FGD6: variants seen among roughly 807,000 people sequenced by gnomAD.
FGD6 encodes the protein FYVE, RhoGEF and PH domain-containing protein 6.
Under a neutral mutation model 149.4 loss-of-function variants are expected in FGD6, and 90 were observed. That is an observed-to-expected ratio of 0.60 (90% CI 0.51 to 0.72). The LOEUF is 0.72. FGD6 is among the 30% of genes least tolerant of loss of function. The pLI is 0.00. For synonymous variants in FGD6, 527 were observed against 584.0 expected (o/e 0.90, Z 1.41); for missense variants, 1,437 against 1,684.8 (o/e 0.85, Z 2.57).
intron 2 of FGD6, 111 bp downstream of exon 2, chr12:95,208,732 A>T: frequency 8.0e-7 from 1 of 1,249,682 alleles, no homozygotes; most frequent in East Asian, 2.5e-5. Flanking sequence ...CACATTTTCT[A>T]AACTATTCCT....
intron 2 of FGD6, among the ~76,000 whole-genome samples, chr12:95,177,141 T>A (rs890888800): frequency 1.3e-5 from 2 of 152,178 alleles, no homozygotes; most frequent in African/African-American, 2.4e-5. Context: ...TTATCTTTTT[T>A]AAAAATACTA....
At chr12:95,208,023 G>A (rs2056701817) in intron 2 of FGD6, among the ~76,000 whole-genome samples, 2 of 152,166 alleles carry the variant, frequency 1.3e-5, no homozygotes, top group Non-Finnish European at 1.5e-5. Context: ...GGCAAAGGCA[G>A]GAGCAGTGCT....
intron 6 of FGD6, among the ~76,000 whole-genome samples, chr12:95,138,281 C>T (rs1879739133): frequency 2.0e-5 from 3 of 151,478 alleles, no homozygotes; most frequent in South Asian, 2.1e-4. Context: ...CGATGGCTCA[C>T]GCCTGTAATC....
intron 9 of FGD6, among the ~76,000 whole-genome samples, chr12:95,112,601 A>G (rs929667865): frequency 1.3e-5 from 2 of 152,210 alleles, no homozygotes; most frequent in African/African-American, 4.8e-5. Context: ...CTCTGTCTCA[A>G]ACAAAAAAAG....
rs1042907757 is a variant in FGD6, at chr12:95,079,552, C to T, written c.*1968G>A. The T allele has an allele frequency of 6.6e-6, 1 of 152,170 alleles. No homozygotes were observed. The highest frequency in any genetic ancestry group is 2.4e-5 in the African/African-American group (1 of 41,440). The allele number at this position is 152,170 out of a possible 1,614,324, so 9.4% of individuals were successfully genotyped here. A position where few individuals can be genotyped will look rare whatever the true frequency, so the allele number is the denominator to read the frequency against. On this transcript the variant is annotated 3_prime_UTR_variant, in exon 21 of 21. Transcript: ENST00000343958. ...AGACGCAGAAACAGTTTATAAGGTA[C>T]AACTTTAGCCTCCAAAAAGGAATAC...
chr12:95,216,947 G>A (rs916976473), intron 1 of FGD6, among the ~76,000 whole-genome samples: 3 of 152,204 alleles, frequency 2.0e-5, no homozygotes, highest in African/African-American at 7.2e-5. Flanking sequence ...ATGAGCGAAC[G>A]CCCTTCACAC....
rs772625732 is a variant in FGD6, at chr12:95,094,698, T to C, written c.3498-4A>G. 6 of 1,607,114 alleles carry C rather than the reference T, an allele frequency of 3.7e-6. 1 individual carries two copies. The highest frequency in any genetic ancestry group is 2.2e-5 in the East Asian group (1 of 44,838). ...TTCATCCCTTTCTGTGGCAGAACTGTTGGGGGCAAAAGGTTTCATCAACCA... is the reference window on the plus strand; with the variant it reads ...TTCATCCCTTTCTGTGGCAGAACTGCTGGGGGCAAAAGGTTTCATCAACCA... On this transcript the variant is annotated splice_region_variant and splice_polypyrimidine_tract_variant and intron_variant, in intron 14 of 20. Coordinates refer to ENST00000343958, the MANE Select transcript of FGD6 (RefSeq NM_018351.4).
chr12:95,172,065 C>T (rs1329798956), intron 3 of FGD6, among the ~76,000 whole-genome samples: 2 of 148,036 alleles, frequency 1.4e-5, no homozygotes, highest in African/African-American at 5.0e-5. Flanking sequence ...AAAAAGCAAG[C>T]CATTGGACAT....
Position 95,210,317 on chromosome 12 carries a change from C to T in FGD6, c.967G>A (p.Ala323Thr). Reference sequence around the variant, plus strand: ...ACACACTTTTGGCGTAACAGACGAGCAGTTCGTGTCTTTCTGGGCTTGGGA... The same window carrying T: ...ACACACTTTTGGCGTAACAGACGAGTAGTTCGTGTCTTTCTGGGCTTGGGA... Reference protein sequence around the residue: ...PTPKPRKTRTARLLRQKCVDT... With the variant: ...PTPKPRKTRTTRLLRQKCVDT... The change falls in exon 2 of 21, where the codon GCT (alanine) becomes ACT (threonine). Residue 323 changes from alanine to threonine, a missense_variant. By Grantham distance (58) the Ala-to-Thr change is moderately conservative. Around this residue, in one of 2 missense-constraint regions of FGD6, gnomAD observed 1,055 missense variants for 1,146.0 expected, o/e 0.92. Transcript: ENST00000343958. 6.2e-7 allele frequency: 1 copy of T among 1,614,070 alleles called. No homozygotes were observed. Among genetic ancestry groups the T allele is most frequent in the Non-Finnish European group, 8.5e-7 (1 of 1,180,016 alleles).
At position 95,132,778 on chromosome 12, in the gene FGD6, T is replaced by C. The variant is rs142767140; in HGVS notation, c.3082+1961A>G. On this transcript the variant is annotated intron_variant, in intron 8 of 20. Coordinates refer to ENST00000343958, the MANE Select transcript of FGD6 (RefSeq NM_018351.4). Reference sequence around the variant, plus strand: ...ATAAATAAATAAATAAATAAACAAATAAATAAATAAATAATATGTAAAAAT... The same window carrying C: ...ATAAATAAATAAATAAATAAACAAACAAATAAATAAATAATATGTAAAAAT... Among the ~76,000 whole-genome samples the C allele has an allele frequency of 8.6e-3, 1,279 of 149,024 alleles. 7 individuals are homozygous for C. Among genetic ancestry groups the C allele is most frequent in the Middle Eastern group, 0.02 (6 of 294 alleles).
At chr12:95,212,249 G>C (rs922752221) in intron 1 of FGD6, among the ~76,000 whole-genome samples, 2 of 152,064 alleles carry the variant, frequency 1.3e-5, no homozygotes, top group African/African-American at 4.8e-5. Flanking sequence ...ATAGATCCTG[G>C]ACATCTGTAC....
Position 95,209,483 on chromosome 12 carries a change from G to A in FGD6, c.1801C>T (p.Pro601Ser). The A allele has an allele frequency of 1.2e-6, 2 of 1,612,618 alleles. No homozygotes were observed. Among genetic ancestry groups the A allele is most frequent in the Non-Finnish European group, 1.7e-6 (2 of 1,179,508 alleles). Residue 601 changes from proline (P) to serine (S), a missense_variant, in exon 2 of 21, where the codon CCC (proline) becomes TCC (serine). By Grantham distance (74) the Pro-to-Ser change is moderately conservative. Coordinates refer to ENST00000343958, the MANE Select transcript of FGD6 (RefSeq NM_018351.4). ...ATAGCAGATAACGATTTTGCTCTGG[G>A]CTTGGTTAGGGCTGTTGAAGGCTCA... Reference protein sequence around the residue: ...NSEPSTALTKPRAKSLSAMDV... With the variant: ...NSEPSTALTKSRAKSLSAMDV...
intron 2 of FGD6, chr12:95,189,602 C>G (rs1324618987): frequency 2.1e-5 from 3 of 146,278 alleles, no homozygotes; most frequent in Non-Finnish European, 4.4e-5. Flanking sequence ...GAGCTGTGAT[C>G]TTGCCACTGC....
At chr12:95,135,968 G>A (rs1395669534) in intron 7 of FGD6, among the ~76,000 whole-genome samples, 1 of 152,234 alleles carries the variant, frequency 6.6e-6, no homozygotes, top group Non-Finnish European at 1.5e-5. Context: ...AAAGACAACA[G>A]AGGAGAGGAA....
At chr12:95,172,825 T>C (rs771338543) in intron 2 of FGD6, 81 bp from the exon 3 acceptor site, 40 of 1,171,368 alleles carry the variant, frequency 3.4e-5, no homozygotes, top group Non-Finnish European at 4.2e-5. Flanking sequence ...CAACATCTTA[T>C]CTTCATAATG....
At chr12:95,143,395 G>A (rs10745718) in intron 5 of FGD6, among the ~76,000 whole-genome samples, 133,193 of 151,918 alleles carry the variant, frequency 0.88, 58,721 homozygotes, top group African/African-American at 0.96. Context: ...AAGAAGTCCA[G>A]TCCTCTTATG....
intron 16 of FGD6, among the ~76,000 whole-genome samples, chr12:95,092,228 C>T (rs1467999750): frequency 6.6e-6 from 1 of 152,164 alleles, no homozygotes; most frequent in Admixed American, 6.5e-5. Flanking sequence ...TCTCTAAATA[C>T]AACCTCATTT....
intron 3 of FGD6, among the ~76,000 whole-genome samples, chr12:95,154,697 G>A (rs6538609): frequency 0.68 from 103,813 of 152,026 alleles, 36,210 homozygotes; most frequent in Middle Eastern, 0.8. Context: ...ACCAGGACAC[G>A]GTTATTTTGT....
intron 8 of FGD6, among the ~76,000 whole-genome samples, chr12:95,114,376 G>C (rs970695944): frequency 2.6e-5 from 4 of 151,122 alleles, no homozygotes; most frequent in East Asian, 1.9e-4. Flanking sequence ...GAGGCCAAAG[G>C]GGGTGGATCA....
Sources: gnomAD v4.1 joint callset for allele counts (sites outside exome capture counted in the v4.1 genomes callset) on GRCh38, gnomAD v4.1.1 for gene constraint, gnomAD v4.1.1 regional missense constraint, MANE v1.5 for transcripts, NCBI Gene and HGNC (gene_info 2026-07-23, HGNC 2026-07-21) for gene names.